Variants in ASB4 observed in about 807,000 individuals in gnomAD.
ASB4 encodes the protein ankyrin repeat and SOCS box protein 4.
Under a neutral mutation model 38.6 loss-of-function variants are expected in ASB4, and 35 were observed. That is an observed-to-expected ratio of 0.91 (90% CI 0.69 to 1.20). ASB4 has a LOEUF of 1.20. ASB4 is among the 50% of genes most tolerant of loss of function. The pLI, the probability that ASB4 is intolerant of heterozygous loss-of-function variation, is 0.00. For synonymous variants in ASB4, 195 were observed against 201.3 expected, an observed-to-expected ratio of 0.97 and a Z score of 0.26; for missense variants, 557 against 527.2, an observed-to-expected ratio of 1.06 and a Z score of -0.55.
chr7:95,544,449 A>C (rs1791008263), downstream of ASB4: 1 of 152,234 alleles, frequency 6.6e-6, no homozygotes. Flanking sequence ...ACATCTGGTT[A>C]ATTCTATGAC....
chr7:95,549,147 G>A, the ASB4 span, among the ~76,000 whole-genome samples: 5 of 152,104 alleles, frequency 3.3e-5, no homozygotes, highest in South Asian at 2.1e-4. Flanking sequence ...CTGACACTTA[G>A]GAGAGAGTTA....
intron 1 of ASB4, among the ~76,000 whole-genome samples, chr7:95,488,204 G>A (rs903144068): frequency 5.3e-5 from 8 of 152,202 alleles, no homozygotes; most frequent in African/African-American, 9.6e-5. Flanking sequence ...AGCCAGGCGC[G>A]GTGGCGGCCG....
At chr7:95,541,539 G>A (rs1048839278), downstream of ASB4, among the ~76,000 whole-genome samples, 3 of 152,190 alleles carry the variant, frequency 2.0e-5, no homozygotes, top group African/African-American at 7.2e-5. Flanking sequence ...GGGGGAACAA[G>A]ACAAACCAGG....
chr7:95,544,881 A>G (rs1475249742), downstream of ASB4, among the ~76,000 whole-genome samples: 1 of 151,856 alleles, frequency 6.6e-6, no homozygotes, highest in Non-Finnish European at 1.5e-5. Flanking sequence ...TTTTTGATAG[A>G]CAGGGGGTTT....
upstream of ASB4, among the ~76,000 whole-genome samples, chr7:95,476,706 T>C (rs750745953): frequency 6.6e-6 from 1 of 152,190 alleles, no homozygotes; most frequent in Non-Finnish European, 1.5e-5. Context: ...ATTTTCAGCC[T>C]AGGAGAAAAA....
chr7:95,481,309 GC>G (rs1333619565), upstream of ASB4, among the ~76,000 whole-genome samples: 5 of 151,690 alleles, frequency 3.3e-5, no homozygotes, highest in African/African-American at 1.2e-4. Context: ...ACAAACAAAG[GC>G]ATCTTTATGC....
At chr7:95,550,419 G>C in the ASB4 span, among the ~76,000 whole-genome samples, 2 of 152,154 alleles carry the variant, frequency 1.3e-5, no homozygotes, top group Admixed American at 1.3e-4. Context: ...GCCAAGAATA[G>C]ACAAGCAAGG....
intron 4 of ASB4, 136 bp from the exon 5 acceptor site, chr7:95,537,435 G>A (rs927719314): frequency 4.4e-5 from 26 of 584,342 alleles, no homozygotes; most frequent in African/African-American, 1.3e-4. Context: ...TCAATATTGC[G>A]TTTAATTTTT....
the ASB4 span, among the ~76,000 whole-genome samples, chr7:95,546,157 G>A: frequency 6.6e-6 from 1 of 152,086 alleles, no homozygotes. Context: ...TTAATAAATT[G>A]CAATTATTAT....
At chr7:95,526,644 C>T (rs1283428020) in intron 2 of ASB4, among the ~76,000 whole-genome samples, 1 of 152,118 alleles carries the variant, frequency 6.6e-6, no homozygotes, top group Non-Finnish European at 1.5e-5. Flanking sequence ...AAACTGCACC[C>T]ACTGCAAAGG....
rs574301069 is a variant in ASB4, at chr7:95,525,549, A to G, written c.488-2264A>G. On this transcript the variant is annotated intron_variant, in intron 2 of 4. Coordinates refer to ENST00000325885, the MANE Select transcript of ASB4 (RefSeq NM_016116.3). Reference sequence around the variant, plus strand: ...ATGTAGCATATCTAGTTGCACCAACAGGTCAAAGATCAATCGTAAATGTCC... The same window carrying G: ...ATGTAGCATATCTAGTTGCACCAACGGGTCAAAGATCAATCGTAAATGTCC... Among the ~76,000 whole-genome samples, 85 of 152,288 alleles carry G rather than the reference A, an allele frequency of 5.6e-4. 1 individual carries two copies. The highest frequency in any genetic ancestry group is 2.0e-3 in the African/African-American group (82 of 41,552).
At chr7:95,496,971 G>C (rs944355983) in intron 2 of ASB4, among the ~76,000 whole-genome samples, 1 of 152,150 alleles carries the variant, frequency 6.6e-6, no homozygotes, top group African/African-American at 2.4e-5. Flanking sequence ...ATTGCTAAGA[G>C]AGCAATAAAA....
chr7:95,518,687 G>A (rs1299326821), intron 2 of ASB4, among the ~76,000 whole-genome samples: 2 of 152,204 alleles, frequency 1.3e-5, no homozygotes, highest in African/African-American at 4.8e-5. Flanking sequence ...CTCAAACTGA[G>A]TCCAACAAGA....
upstream of ASB4, among the ~76,000 whole-genome samples, chr7:95,482,324 A>G (rs1216262730): frequency 6.6e-6 from 1 of 152,210 alleles, no homozygotes; most frequent in African/African-American, 2.4e-5. Flanking sequence ...GGGAAAAATT[A>G]TAGCCATCTC....
In ASB4 at chr7:95,528,308, G is replaced by A. The variant is rs1790773824; in HGVS notation, c.978+5G>A. Reference sequence around the variant, plus strand: ...TACCCTCCACAGTTCCATAAGGTGAGGCTCTGCCCAGTGGTCAGCAGGTTG... The same window carrying A: ...TACCCTCCACAGTTCCATAAGGTGAAGCTCTGCCCAGTGGTCAGCAGGTTG... On this transcript the variant is annotated splice_donor_5th_base_variant and intron_variant, in intron 3 of 4. Coordinates refer to ENST00000325885, the MANE Select transcript of ASB4 (RefSeq NM_016116.3). 11 of 1,614,084 alleles carry A rather than the reference G, an allele frequency of 6.8e-6. No individual in the cohort carries two copies. The highest frequency in any genetic ancestry group is 9.3e-6 in the Non-Finnish European group (11 of 1,180,020).
chr7:95,540,145 A>T lies in ASB4; in HGVS notation c.*2386A>T, dbSNP rs911037353. 3.9e-5 allele frequency: 6 copies of T among 152,040 alleles called. No individual in the cohort carries two copies. Among genetic ancestry groups the T allele is most frequent in the Admixed American group, 6.6e-5 (1 of 15,264 alleles). 9.4% of individuals were successfully genotyped at this position (152,040 alleles called of 1,614,324 possible). On this transcript the variant is annotated 3_prime_UTR_variant, in exon 5 of 5. Transcript: ENST00000325885. ...TAGAATACATGGCTACTTGTTTGTAATTTTTTTATTGGTGGAATTAAAGTA... is the reference window on the plus strand; with the variant it reads ...TAGAATACATGGCTACTTGTTTGTATTTTTTTTATTGGTGGAATTAAAGTA...
the ASB4 span, among the ~76,000 whole-genome samples, chr7:95,550,163 C>T: frequency 6.6e-6 from 1 of 152,182 alleles, no homozygotes; most frequent in African/African-American, 2.4e-5. Flanking sequence ...GATGGAAACA[C>T]AGCAACGTAC....
chr7:95,511,123 G>C (rs1790473238), intron 2 of ASB4, among the ~76,000 whole-genome samples: 1 of 152,136 alleles, frequency 6.6e-6, no homozygotes, highest in South Asian at 2.1e-4. Flanking sequence ...TGAAAGCTCA[G>C]AATTGGATGC....
At chr7:95,520,816 G>A (rs1350096022) in intron 2 of ASB4, among the ~76,000 whole-genome samples, 1 of 151,970 alleles carries the variant, frequency 6.6e-6, no homozygotes, top group Non-Finnish European at 1.5e-5. Flanking sequence ...TATTTCATTG[G>A]TCCAGTTTTC....
Sources: allele counts gnomAD v4.1 joint callset (sites outside exome capture counted in the v4.1 genomes callset), GRCh38; gene constraint gnomAD v4.1.1; transcripts MANE v1.5; gene names NCBI Gene and HGNC (gene_info 2026-07-23, HGNC 2026-07-21).